The following SLC24A2 variants were observed in gnomAD, a reference collection of about 807,000 sequenced individuals.
SLC24A2 encodes sodium/potassium/calcium exchanger 2.
A neutral mutation model predicts 62.0 loss-of-function variants in SLC24A2; 36 were observed. That is an observed-to-expected ratio of 0.58 (90% CI 0.44 to 0.77). The LOEUF is 0.77. Ranked by LOEUF, SLC24A2 falls within the 30% of genes least tolerant of loss-of-function variation. The pLI is 0.00. For synonymous variants in SLC24A2, 358 were observed against 294.0 expected (o/e 1.22, Z -2.23); for missense variants, 846 against 817.9 (o/e 1.03, Z -0.42).
the SLC24A2 span, among the ~76,000 whole-genome samples, chr9:19,987,870 G>A: frequency 1.3e-5 from 2 of 152,144 alleles, no homozygotes; most frequent in East Asian, 3.9e-4. Context: ...TAGGAGCACT[G>A]AACCAGCGAC....
the SLC24A2 span, among the ~76,000 whole-genome samples, chr9:20,141,613 G>C: frequency 6.6e-6 from 1 of 151,432 alleles, no homozygotes. Flanking sequence ...CCTGCCTCAT[G>C]ATCTAGTATA....
intron 3 of SLC24A2, among the ~76,000 whole-genome samples, chr9:19,621,432 G>A (rs909317580): frequency 3.3e-5 from 5 of 152,176 alleles, no homozygotes; most frequent in South Asian, 4.1e-4. Flanking sequence ...AGGGTCATAT[G>A]TATCTTTATT....
the SLC24A2 span, among the ~76,000 whole-genome samples, chr9:20,012,278 A>G: frequency 2.3e-4 from 35 of 152,180 alleles, no homozygotes; most frequent in Admixed American, 1.8e-3. Context: ...AAGGTGAAAG[A>G]CACATCTCAC....
At chr9:20,106,346 G>C in the SLC24A2 span, among the ~76,000 whole-genome samples, 4 of 152,124 alleles carry the variant, frequency 2.6e-5, no homozygotes, top group Admixed American at 1.3e-4. Context: ...TAACTCATTT[G>C]ATGAGGCCAG....
the SLC24A2 span, among the ~76,000 whole-genome samples, chr9:20,146,980 G>A: frequency 2.0e-5 from 3 of 152,048 alleles, no homozygotes; most frequent in Admixed American, 2.0e-4. Flanking sequence ...TGCTCTCCTT[G>A]ATAGCATGTG....
chr9:19,705,108 G>C (rs1250016194), intron 2 of SLC24A2, among the ~76,000 whole-genome samples: 1 of 152,158 alleles, frequency 6.6e-6, no homozygotes, highest in African/African-American at 2.4e-5. Flanking sequence ...GCATATGATG[G>C]TAAGAAAAGG....
intron 7 of SLC24A2, among the ~76,000 whole-genome samples, chr9:19,565,285 A>G (rs1245514967): frequency 6.7e-6 from 1 of 149,694 alleles, no homozygotes; most frequent in Admixed American, 6.7e-5. Flanking sequence ...TACAAAATCA[A>G]TGTGCAAAAA....
intron 2 of SLC24A2, among the ~76,000 whole-genome samples, chr9:19,650,802 C>T (rs1262057834): frequency 2.7e-5 from 4 of 147,076 alleles, no homozygotes; most frequent in African/African-American, 7.8e-5. Flanking sequence ...AATTCACAGG[C>T]ATTGTAAACA....
chr9:19,961,919 A>G, the SLC24A2 span, among the ~76,000 whole-genome samples: 1 of 152,174 alleles, frequency 6.6e-6, no homozygotes, highest in African/African-American at 2.4e-5. Context: ...GCCAACAGAT[A>G]CCCTGAACCA....
the SLC24A2 span, among the ~76,000 whole-genome samples, chr9:19,867,758 A>G: frequency 6.6e-6 from 1 of 152,096 alleles, no homozygotes; most frequent in African/African-American, 2.4e-5. Flanking sequence ...AAATACAAAA[A>G]TTAGCTGGGC....
the SLC24A2 span, among the ~76,000 whole-genome samples, chr9:19,843,752 A>G: frequency 2.6e-5 from 4 of 152,104 alleles, no homozygotes; most frequent in Non-Finnish European, 5.9e-5. Flanking sequence ...TTTAGCTCTC[A>G]CTTACAAGTG....
At chr9:19,611,163 A>C (rs1005180024) in intron 4 of SLC24A2, among the ~76,000 whole-genome samples, 1 of 151,958 alleles carries the variant, frequency 6.6e-6, no homozygotes, top group Non-Finnish European at 1.5e-5. Flanking sequence ...AGCCAACTGG[A>C]TATCTAGAAA....
chr9:20,010,995 A>T, the SLC24A2 span, among the ~76,000 whole-genome samples: 1 of 152,000 alleles, frequency 6.6e-6, no homozygotes, highest in Non-Finnish European at 1.5e-5. Flanking sequence ...ACATTTTCTT[A>T]ATCCAGTCTA....
At chr9:19,577,464 C>T (rs770372470) in intron 5 of SLC24A2, among the ~76,000 whole-genome samples, 5 of 152,136 alleles carry the variant, frequency 3.3e-5, no homozygotes, top group Non-Finnish European at 7.3e-5. Context: ...CTTTGAGTAT[C>T]CCTAACTGAA....
chr9:19,949,181 A>T, the SLC24A2 span, among the ~76,000 whole-genome samples: 2 of 151,910 alleles, frequency 1.3e-5, no homozygotes, highest in African/African-American at 4.8e-5. Context: ...TTTAGTAGAG[A>T]CGCGGTTTCA....
At chr9:20,158,801 G>A in the SLC24A2 span, among the ~76,000 whole-genome samples, 1 of 151,486 alleles carries the variant, frequency 6.6e-6, no homozygotes. Flanking sequence ...TGGAGCAGCT[G>A]TGCATATTTA....
At chr9:19,919,428 CA>C in the SLC24A2 span, among the ~76,000 whole-genome samples, 10 of 152,106 alleles carry the variant, frequency 6.6e-5, no homozygotes, top group Middle Eastern at 3.4e-3. Context: ...AATGGAAGAA[CA>C]AGGAAAGCAT....
chr9:20,133,880 G>T, the SLC24A2 span, among the ~76,000 whole-genome samples: 1 of 152,148 alleles, frequency 6.6e-6, no homozygotes, highest in Non-Finnish European at 1.5e-5. Flanking sequence ...CCTATGAGAA[G>T]TATCTGAATA....
chr9:20,083,150 C>G, the SLC24A2 span, among the ~76,000 whole-genome samples: 1 of 152,236 alleles, frequency 6.6e-6, no homozygotes, highest in South Asian at 2.1e-4. Flanking sequence ...TCAACTTCCA[C>G]TGTACCTTGT....
Sources: gnomAD v4.1 joint callset for allele counts (sites outside exome capture counted in the v4.1 genomes callset) on GRCh38, gnomAD v4.1.1 for gene constraint, MANE v1.5 for transcripts, NCBI Gene and HGNC (gene_info 2026-07-23, HGNC 2026-07-21) for gene names.